Variants in MCF2L observed in about 807,000 individuals in gnomAD.
MCF2L encodes MCF.2 cell line derived transforming sequence like.
MCF2L carries 97 observed loss-of-function variants against 153.4 expected under a neutral mutation model. The ratio of observed to expected loss-of-function variants is 0.63; its 90% CI spans 0.54 to 0.75. MCF2L has a LOEUF of 0.75. Among genes scored for constraint, MCF2L ranks in the 30% least tolerant of loss-of-function variants. The pLI, the probability that MCF2L is intolerant of heterozygous loss-of-function variation, is 0.00. For synonymous variants in MCF2L, 659 were observed against 632.2 expected (o/e 1.04, Z -0.64); for missense variants, 1,347 against 1,495.2 (o/e 0.90, Z 1.64).
chr13:112,955,461 A>G (rs938880031), intron 2 of MCF2L, among the ~76,000 whole-genome samples: 10 of 152,122 alleles, frequency 6.6e-5, no homozygotes, highest in African/African-American at 2.2e-4. Context: ...ATATTTATTT[A>G]TTGCTCACCA....
chr13:113,018,608 T>C (rs1000187022), intron 2 of MCF2L, among the ~76,000 whole-genome samples: 1 of 152,046 alleles, frequency 6.6e-6, no homozygotes, highest in African/African-American at 2.4e-5. Flanking sequence ...GAGGAGGTCG[T>C]GGTCTCAGAA....
intron 1 of MCF2L, among the ~76,000 whole-genome samples, chr13:112,996,269 G>A (rs554210645): frequency 3.3e-5 from 5 of 152,296 alleles, no homozygotes; most frequent in South Asian, 4.1e-4. Context: ...GCAGTGAGCC[G>A]AGATCGCATT....
intron 26 of MCF2L, chr13:113,090,505 C>T (rs972953119): frequency 3.2e-5 from 31 of 977,164 alleles, no homozygotes; most frequent in East Asian, 1.3e-4. Context: ...TTGCTGGCTG[C>T]GTGTCTCTGC....
intron 1 of MCF2L, among the ~76,000 whole-genome samples, chr13:113,005,224 ACAGG>A (rs1366046218): frequency 2.0e-5 from 3 of 152,250 alleles, no homozygotes; most frequent in Admixed American, 6.5e-5. Flanking sequence ...AAAATCAGCC[ACAGG>A]CAAAGCCACG....
intron 17 of MCF2L, 59 bp downstream of exon 17, chr13:113,082,601 G>T (rs751046498): frequency 4.0e-6 from 5 of 1,255,654 alleles, no homozygotes; most frequent in Admixed American, 1.9e-5. Flanking sequence ...TAATGGTGCT[G>T]GCTTCAGGGG....
At chr13:113,071,938 C>T (rs1299743985) in intron 9 of MCF2L, among the ~76,000 whole-genome samples, 1 of 152,078 alleles carries the variant, frequency 6.6e-6, no homozygotes. Flanking sequence ...TGTGTTAAAC[C>T]TATATTTTAA....
At chr13:113,020,788 A>G (rs767743443) in intron 2 of MCF2L, among the ~76,000 whole-genome samples, 1 of 104,526 alleles carries the variant, frequency 9.6e-6, no homozygotes, top group Non-Finnish European at 2.1e-5. Context: ...AGCTGTGTGT[A>G]TGTGTAGATG....
chr13:113,000,159 A>G (rs1210090702), intron 1 of MCF2L, among the ~76,000 whole-genome samples: 1 of 152,192 alleles, frequency 6.6e-6, no homozygotes, highest in African/African-American at 2.4e-5. Context: ...TTCTGACGGT[A>G]GAAGATAGGA....
At chr13:112,936,004 G>A (rs996908637) in intron 2 of MCF2L, among the ~76,000 whole-genome samples, 2 of 152,192 alleles carry the variant, frequency 1.3e-5, no homozygotes, top group African/African-American at 4.8e-5. Flanking sequence ...CCTTGGCTGG[G>A]CATGTTGGCT....
rs941317234 is a variant in MCF2L, at chr13:113,029,021, G to A, written c.278+4263G>A. ...GGTGTGTGTGAGCGTGAGTGTATGC[G>A]TGCATTCTACCCACGTTTCCTTTCT... On this transcript the variant is annotated intron_variant, in intron 3 of 29. Transcript: ENST00000535094. Among the ~76,000 whole-genome samples, 99 of 152,056 alleles carry A rather than the reference G, an allele frequency of 6.5e-4. 1 individual carries two copies. The highest frequency in any genetic ancestry group is 1.9e-3 in the Admixed American group (29 of 15,256).
intron 2 of MCF2L, among the ~76,000 whole-genome samples, chr13:112,911,402 C>A (rs1329428844): frequency 6.6e-6 from 1 of 152,212 alleles, no homozygotes; most frequent in Non-Finnish European, 1.5e-5. Context: ...ACTCTCCTGC[C>A]TGGGAGAGCG....
At chr13:112,921,544 A>G (rs1401063643) in intron 2 of MCF2L, among the ~76,000 whole-genome samples, 1 of 152,254 alleles carries the variant, frequency 6.6e-6, no homozygotes, top group Non-Finnish European at 1.5e-5. Flanking sequence ...GTCAAGACAC[A>G]GAAACCCTGA....
At chr13:113,096,702 G>A (rs1173294266) in intron 29 of MCF2L, 49 bp downstream of exon 29, 3 of 1,556,730 alleles carry the variant, frequency 1.9e-6, no homozygotes, top group Non-Finnish European at 2.6e-6. Flanking sequence ...CAAGGGCCCG[G>A]GCGAGGAAGC....
At chr13:112,929,553 T>G (rs965472716) in intron 2 of MCF2L, among the ~76,000 whole-genome samples, 1 of 152,222 alleles carries the variant, frequency 6.6e-6, no homozygotes, top group Non-Finnish European at 1.5e-5. Context: ...GGTTAACTCT[T>G]CACACTCCTG....
intron 26 of MCF2L, chr13:113,090,478 C>A (rs2142084470): frequency 2.0e-6 from 2 of 979,792 alleles, no homozygotes; most frequent in Non-Finnish European, 2.4e-6. Context: ...AGGTGAGTTC[C>A]CTGCAGGGTG....
intron 3 of MCF2L, among the ~76,000 whole-genome samples, chr13:113,033,198 C>CCCCCGTGAT (rs2085859554): frequency 1.9e-5 from 1 of 52,968 alleles, no homozygotes; most frequent in Non-Finnish European, 3.6e-5. Flanking sequence ...GACCCCGTGA[C>CCCCCGTGAT]GTGAGTGGCC....
chr13:113,007,318 A>G (rs2083769603), intron 1 of MCF2L, among the ~76,000 whole-genome samples: 1 of 152,172 alleles, frequency 6.6e-6, no homozygotes, highest in African/African-American at 2.4e-5. Flanking sequence ...GCCCCCCTGC[A>G]TGACAGACCC....
At chr13:113,086,075 C>T in intron 20 of MCF2L, 49 bp from the exon 21 acceptor site, 1 of 1,569,818 alleles carries the variant, frequency 6.4e-7, no homozygotes, top group Non-Finnish European at 8.6e-7. Context: ...TCCAGGGGAG[C>T]CAGGGCTCTC....
At chr13:112,979,589 C>T in intron 1 of MCF2L, 2 of 1,596,386 alleles carry the variant, frequency 1.3e-6, no homozygotes, top group Non-Finnish European at 1.7e-6. Flanking sequence ...GCTCTAGCAT[C>T]AGGGGGTCGC....
Sources: gnomAD v4.1 joint callset for allele counts (sites outside exome capture counted in the v4.1 genomes callset) on GRCh38, gnomAD v4.1.1 for gene constraint, MANE v1.5 for transcripts, NCBI Gene and HGNC (gene_info 2026-07-23, HGNC 2026-07-21) for gene names.